Variants in FSTL5 observed in about 807,000 individuals in gnomAD.
FSTL5 encodes the protein follistatin-related protein 5.
A neutral mutation model predicts 89.1 loss-of-function variants in FSTL5; 62 were observed. The ratio of observed to expected loss-of-function variants is 0.70; its 90% CI spans 0.57 to 0.86. The LOEUF is 0.86. FSTL5 is among the 40% of genes least tolerant of loss of function. The pLI is 0.00. For missense variants in FSTL5, 1,057 were observed against 1,001.6 expected (o/e 1.06, Z -0.75); for synonymous variants, 383 against 346.2 (o/e 1.11, Z -1.18).
intron 2 of FSTL5, among the ~76,000 whole-genome samples, chr4:162,053,675 T>C (rs1738452283): frequency 2.0e-5 from 3 of 151,746 alleles, no homozygotes; most frequent in Admixed American, 2.0e-4. Flanking sequence ...TTTATATGAA[T>C]GATTAGGATA....
intron 4 of FSTL5, among the ~76,000 whole-genome samples, chr4:161,915,702 AT>A (rs1230979756): frequency 1.3e-5 from 2 of 152,240 alleles, no homozygotes; most frequent in East Asian, 3.9e-4. Flanking sequence ...TTTTATCTAC[AT>A]TTCTTATTGT....
chr4:161,635,024 T>G (rs902225948), intron 7 of FSTL5, among the ~76,000 whole-genome samples: 10 of 148,464 alleles, frequency 6.7e-5, no homozygotes, highest in Admixed American at 2.0e-4. Context: ...TTGTCAATTA[T>G]ACCTCAATAA....
At chr4:161,853,670 A>G (rs1347900978) in intron 4 of FSTL5, among the ~76,000 whole-genome samples, 1 of 152,010 alleles carries the variant, frequency 6.6e-6, no homozygotes, top group African/African-American at 2.4e-5. Flanking sequence ...TTCACACTAT[A>G]ATAGTTTGAT....
intron 11 of FSTL5, among the ~76,000 whole-genome samples, chr4:161,506,719 GT>G (rs1273938411): frequency 6.6e-6 from 1 of 152,062 alleles, no homozygotes; most frequent in East Asian, 1.9e-4. Context: ...AAGCTGGCCT[GT>G]TTTTAAATCT....
rs561727300 is a variant in FSTL5, at chr4:161,559,570, C to T, written c.1016-16877G>A. Among the ~76,000 whole-genome samples the T allele has an allele frequency of 2.0e-5, 3 of 152,028 alleles. No homozygotes were observed. In the South Asian group the frequency reaches 6.2e-4, roughly 32 times the overall value. On this transcript the variant is annotated intron_variant, in intron 8 of 15. Coordinates refer to ENST00000306100, the MANE Select transcript of FSTL5 (RefSeq NM_020116.5). ...ATACAAAAAGTACACTGTGAAAAGT[C>T]TCCCTCTCATTTCTATCTTACTGTT...
At chr4:161,854,862 A>G (rs1303616245) in intron 4 of FSTL5, among the ~76,000 whole-genome samples, 1 of 152,016 alleles carries the variant, frequency 6.6e-6, no homozygotes, top group Non-Finnish European at 1.5e-5. Context: ...TATATTACCC[A>G]AATTAAAAAG....
At chr4:161,593,141 A>G (rs1004877922) in intron 7 of FSTL5, among the ~76,000 whole-genome samples, 1 of 152,122 alleles carries the variant, frequency 6.6e-6, no homozygotes, top group Non-Finnish European at 1.5e-5. Flanking sequence ...AATATTTATC[A>G]ATAAAAAGCA....
At chr4:161,905,125 A>G (rs72691285) in intron 4 of FSTL5, among the ~76,000 whole-genome samples, 3,445 of 152,212 alleles carry the variant, frequency 0.023, 77 homozygotes, top group Non-Finnish European at 0.033. Context: ...CTAAAATATA[A>G]AAACACACTT....
At chr4:161,945,179 C>A (rs896799829) in intron 3 of FSTL5, among the ~76,000 whole-genome samples, 1 of 152,152 alleles carries the variant, frequency 6.6e-6, no homozygotes, top group Non-Finnish European at 1.5e-5. Context: ...CTTCCTCCTG[C>A]TCTCTTCTTC....
intron 3 of FSTL5, among the ~76,000 whole-genome samples, chr4:161,975,721 T>C (rs1003177284): frequency 4.0e-5 from 6 of 149,302 alleles, no homozygotes; most frequent in African/African-American, 1.5e-4. Context: ...ACCTGCACAA[T>C]GTGCACATGT....
intron 4 of FSTL5, among the ~76,000 whole-genome samples, chr4:161,794,621 T>C (rs986155915): frequency 2.2e-4 from 33 of 152,160 alleles, no homozygotes; most frequent in Non-Finnish European, 4.4e-4. Flanking sequence ...AGGGCAATGC[T>C]TTGTTTTTCC....
At chr4:161,708,557 T>A (rs1002928032) in intron 6 of FSTL5, among the ~76,000 whole-genome samples, 1 of 152,104 alleles carries the variant, frequency 6.6e-6, no homozygotes, top group Non-Finnish European at 1.5e-5. Flanking sequence ...ATATGCATCA[T>A]TTAGCGCCTT....
At chr4:161,395,906 A>C (rs1730979351) in intron 15 of FSTL5, among the ~76,000 whole-genome samples, 1 of 152,126 alleles carries the variant, frequency 6.6e-6, no homozygotes, top group African/African-American at 2.4e-5. Context: ...TAAATACTAG[A>C]TTGTTATAAC....
At chr4:161,399,550 G>C (rs887011068) in intron 15 of FSTL5, among the ~76,000 whole-genome samples, 2 of 151,346 alleles carry the variant, frequency 1.3e-5, no homozygotes, top group Non-Finnish European at 1.5e-5. Context: ...ACATTATCGA[G>C]CCAACCAACT....
chr4:161,946,613 T>C (rs939227640), intron 3 of FSTL5, among the ~76,000 whole-genome samples: 1 of 152,200 alleles, frequency 6.6e-6, no homozygotes, highest in African/African-American at 2.4e-5. Flanking sequence ...TTCCATTGCA[T>C]GACAACATCA....
At chr4:162,162,299 C>T (rs1261049742) in intron 1 of FSTL5, among the ~76,000 whole-genome samples, 1 of 152,072 alleles carries the variant, frequency 6.6e-6, no homozygotes, top group African/African-American at 2.4e-5. Context: ...TTAAACCTAA[C>T]TTAGTGTACG....
At chr4:161,500,986 G>A (rs917692594) in intron 11 of FSTL5, among the ~76,000 whole-genome samples, 3 of 152,036 alleles carry the variant, frequency 2.0e-5, no homozygotes, top group Non-Finnish European at 4.4e-5. Flanking sequence ...CTGAGCTCTT[G>A]TAATCCTTCC....
At chr4:161,419,253 C>T (rs369303056) in intron 15 of FSTL5, among the ~76,000 whole-genome samples, 9 of 152,070 alleles carry the variant, frequency 5.9e-5, no homozygotes, top group African/African-American at 2.2e-4. Flanking sequence ...ATTATTTGCC[C>T]AGCCTTTGTA....
chr4:161,950,926 A>C (rs1212965358), intron 3 of FSTL5, among the ~76,000 whole-genome samples: 2 of 151,938 alleles, frequency 1.3e-5, no homozygotes, highest in Non-Finnish European at 2.9e-5. Context: ...TATTATTATT[A>C]CTACTTGATA....
Sources: allele counts gnomAD v4.1 joint callset (sites outside exome capture counted in the v4.1 genomes callset), GRCh38; gene constraint gnomAD v4.1.1; transcripts MANE v1.5; gene names NCBI Gene and HGNC (gene_info 2026-07-23, HGNC 2026-07-21).